The following SETBP1 variants were observed in gnomAD, a reference collection of about 807,000 sequenced individuals.
The protein encoded by SETBP1 is SET binding protein 1.
In SETBP1, 9 loss-of-function variants were observed where a neutral mutation model predicts 101.0. That is an observed-to-expected ratio of 0.09 (90% CI 0.05 to 0.16). SETBP1 has a LOEUF of 0.16. Among genes scored for constraint, SETBP1 ranks in the 10% least tolerant of loss-of-function variants. The pLI is 1.00. For synonymous variants in SETBP1, 818 were observed against 788.5 expected (o/e 1.04, Z -0.63); for missense variants, 1,858 against 2,033.8 (o/e 0.91, Z 1.66).
intron 4 of SETBP1, among the ~76,000 whole-genome samples, chr18:44,955,613 C>A (rs1485197818): frequency 1.3e-5 from 2 of 152,160 alleles, no homozygotes; most frequent in African/African-American, 4.8e-5. Context: ...GATACTGAGG[C>A]TCAAAGAGAT....
intron 4 of SETBP1, among the ~76,000 whole-genome samples, chr18:45,016,911 G>A (rs2072958556): frequency 6.6e-6 from 1 of 151,862 alleles, no homozygotes; most frequent in Non-Finnish European, 1.5e-5. Flanking sequence ...TTCAAGGAGA[G>A]GAAGGACTCC....
intron 5 of SETBP1, among the ~76,000 whole-genome samples, chr18:45,042,120 G>A (rs1406365209): frequency 6.8e-6 from 1 of 147,826 alleles, no homozygotes; most frequent in East Asian, 2.0e-4. Flanking sequence ...AGACATCTGA[G>A]AAAAACATAC....
intron 2 of SETBP1, among the ~76,000 whole-genome samples, chr18:44,810,264 A>G (rs1010107998): frequency 2.6e-4 from 40 of 152,238 alleles, no homozygotes; most frequent in African/African-American, 9.4e-4. Context: ...CTGGGCCTCA[A>G]TTCTACCTGG....
intron 4 of SETBP1, among the ~76,000 whole-genome samples, chr18:44,963,475 A>G (rs2071655066): frequency 6.6e-6 from 1 of 152,220 alleles, no homozygotes; most frequent in Admixed American, 6.5e-5. Context: ...GCACAAGAAT[A>G]TTCTTATTTG....
chr18:45,009,149 G>T (rs1023193354), intron 4 of SETBP1, among the ~76,000 whole-genome samples: 2 of 152,062 alleles, frequency 1.3e-5, no homozygotes, highest in Non-Finnish European at 2.9e-5. Context: ...ACAGGGCACC[G>T]GAAGGAGTTT....
At position 44,995,529 on chromosome 18, in the gene SETBP1, T is replaced by TTGTGTGTGTG. The variant is rs60256060; in HGVS notation, c.4000+42225_4000+42234dup. On this transcript the variant is annotated intron_variant, in intron 4 of 5. Transcript: ENST00000649279. ...TTTTAAAATGTACATGTCCAGGCTT[T>TTGTGTGTGTG]TGTGTGTGTGTGTGTGTGTGTGTGT... is the stretch of plus-strand genomic sequence containing the variant. Among the ~76,000 whole-genome samples, 455 of 142,962 alleles carry TTGTGTGTGTG rather than the reference T, an allele frequency of 3.2e-3. 3 individuals carry two copies. Among genetic ancestry groups the TTGTGTGTGTG allele is most frequent in the African/African-American group, 4.4e-3 (167 of 38,344 alleles). 93.8% of individuals were successfully genotyped at this position (142,962 alleles called of 152,430 possible). A position where few individuals can be genotyped will look rare whatever the true frequency, so the allele number is the denominator to read the frequency against.
intron 3 of SETBP1, among the ~76,000 whole-genome samples, chr18:44,880,336 G>A (rs567620591): frequency 2.6e-5 from 4 of 152,276 alleles, no homozygotes; most frequent in African/African-American, 9.6e-5. Context: ...CATTGTTGAC[G>A]TGGTGATAGG....
chr18:44,780,286 G>A (rs1389356557), intron 2 of SETBP1, among the ~76,000 whole-genome samples: 2 of 152,186 alleles, frequency 1.3e-5, no homozygotes, highest in African/African-American at 4.8e-5. Context: ...GCTGGGCTTT[G>A]AGGAGCCCTG....
intron 4 of SETBP1, among the ~76,000 whole-genome samples, chr18:45,028,064 G>C (rs1464859697): frequency 6.6e-6 from 1 of 151,918 alleles, no homozygotes; most frequent in Non-Finnish European, 1.5e-5. Flanking sequence ...ACAACGTGCA[G>C]GTTAGTTACG....
chr18:44,868,417 G>A (rs2069176511), intron 2 of SETBP1, among the ~76,000 whole-genome samples: 1 of 151,960 alleles, frequency 6.6e-6, no homozygotes, highest in South Asian at 2.1e-4. Context: ...AAAAATGGTC[G>A]GGTGCAGTGG....
intron 3 of SETBP1, among the ~76,000 whole-genome samples, chr18:44,901,745 T>G (rs1175869628): frequency 6.6e-6 from 1 of 152,202 alleles, no homozygotes; most frequent in African/African-American, 2.4e-5. Flanking sequence ...AGGGAAACAC[T>G]TGATACTGGG....
intron 3 of SETBP1, among the ~76,000 whole-genome samples, chr18:44,880,352 T>C (rs945722534): frequency 4.6e-5 from 7 of 152,096 alleles, no homozygotes; most frequent in Admixed American, 2.0e-4. Context: ...ATAGGGCAAG[T>C]AGTTTGCTGA....
chr18:44,954,324 G>T (rs907594552), intron 4 of SETBP1, among the ~76,000 whole-genome samples: 5 of 78,184 alleles, frequency 6.4e-5, no homozygotes, highest in African/African-American at 2.7e-4. Flanking sequence ...AGGAGTTGCA[G>T]AAGCTAAAAA....
At chr18:44,937,174 C>A (rs925399928) in intron 3 of SETBP1, among the ~76,000 whole-genome samples, 1 of 151,990 alleles carries the variant, frequency 6.6e-6, no homozygotes, top group African/African-American at 2.4e-5. Context: ...CACTACTGGC[C>A]GGGCGCGGTG....
Position 44,852,867 on chromosome 18 carries a change from T to G in SETBP1, c.487-16363T>G, listed in dbSNP as rs141638890. Among the ~76,000 whole-genome samples the G allele has an allele frequency of 4.8e-3, 738 of 152,308 alleles. 7 individuals are homozygous for G. Among genetic ancestry groups the G allele is most frequent in the African/African-American group, 0.017 (708 of 41,564 alleles). On this transcript the variant is annotated intron_variant, in intron 2 of 5. Transcript: ENST00000649279. ...ATGGTGGCCCCATGAAAGCAGTGAT[T>G]GCCATGTGTGTCTATTTTTGTGTAC...
chr18:44,853,542 G>A (rs1370357195), intron 2 of SETBP1, among the ~76,000 whole-genome samples: 2 of 152,190 alleles, frequency 1.3e-5, no homozygotes, highest in Non-Finnish European at 2.9e-5. Context: ...ATGATAAACA[G>A]AAACTTGAGA....
At chr18:44,786,113 T>C (rs1452655092) in intron 2 of SETBP1, among the ~76,000 whole-genome samples, 1 of 152,230 alleles carries the variant, frequency 6.6e-6, no homozygotes, top group Admixed American at 6.5e-5. Context: ...GATATGTCCC[T>C]TTCTCCCACC....
chr18:44,692,717 G>A (rs144506496), intron 1 of SETBP1, among the ~76,000 whole-genome samples: 78 of 152,268 alleles, frequency 5.1e-4, no homozygotes, highest in Non-Finnish European at 8.5e-4. Context: ...AGAAAAGGAG[G>A]GTCCAGCCAG....
chr18:44,815,096 A>G (rs2071947441), intron 2 of SETBP1, among the ~76,000 whole-genome samples: 1 of 152,202 alleles, frequency 6.6e-6, no homozygotes, highest in South Asian at 2.1e-4. Flanking sequence ...GCCAGCAACT[A>G]AGTGAAGACT....
Sources: gnomAD v4.1 joint callset for allele counts (sites outside exome capture counted in the v4.1 genomes callset) on GRCh38, gnomAD v4.1.1 for gene constraint, MANE v1.5 for transcripts, NCBI Gene and HGNC (gene_info 2026-07-23, HGNC 2026-07-21) for gene names.